GRK7: variants seen among roughly 807,000 people sequenced by gnomAD.
The protein encoded by GRK7 is rhodopsin kinase GRK7.
In GRK7, 24 loss-of-function variants were observed where a neutral mutation model predicts 34.1. The observed-to-expected ratio is 0.70, with a 90% CI of 0.51 to 0.99. The LOEUF is 0.99. GRK7 is among the 50% of genes least tolerant of loss of function. The probability of loss-of-function intolerance (pLI) is 0.00; values close to 1 mark genes in which losing one functional copy is unlikely to be tolerated. For missense variants in GRK7, 644 were observed against 707.3 expected, an observed-to-expected ratio of 0.91 and a Z score of 1.02; for synonymous variants, 256 against 279.4, an observed-to-expected ratio of 0.92 and a Z score of 0.84.
chr3:141,779,700 C>T (rs2084661830), intron 3 of GRK7, among the ~76,000 whole-genome samples: 1 of 152,224 alleles, frequency 6.6e-6, no homozygotes, highest in Non-Finnish European at 1.5e-5. Context: ...CTCTCCTCCT[C>T]CAGCCCTGAC....
the GRK7 span, among the ~76,000 whole-genome samples, chr3:141,757,129 C>CTTTTTTTTTTTTTTTTTTTTTTTTTTTT: frequency 9.9e-6 from 1 of 101,362 alleles, no homozygotes; most frequent in East Asian, 2.8e-4. Context: ...AGATCTTCTT[C>CTTTTTTTTTTTTTTTTTTTTTTTTTTTT]TTTTTTTTTT....
upstream of GRK7, among the ~76,000 whole-genome samples, chr3:141,762,772 G>T (rs192670974): frequency 6.6e-6 from 1 of 152,280 alleles, no homozygotes; most frequent in Non-Finnish European, 1.5e-5. Flanking sequence ...GCGAGATTCC[G>T]TGGGGAGATT....
chr3:141,760,290 G>A (rs1357657386), upstream of GRK7, among the ~76,000 whole-genome samples: 14 of 113,940 alleles, frequency 1.2e-4, no homozygotes, highest in African/African-American at 4.2e-4. Flanking sequence ...CTTTGAATGC[G>A]TCCCAGAGAT....
rs1327347482 is a variant in GRK7, at chr3:141,764,568, C to T, written c.-1385C>T. On this transcript the variant is annotated 5_prime_UTR_variant, in exon 1 of 6. Coordinates refer to ENST00000682958, the MANE Select transcript of GRK7 (RefSeq NM_139209.3). Reference sequence around the variant, plus strand: ...TCCTAATACCCCACTGCCCTCACCTCCTCAAACTCTAGGGCTCAGTCCTTA... The same window carrying T: ...TCCTAATACCCCACTGCCCTCACCTTCTCAAACTCTAGGGCTCAGTCCTTA... Among the ~76,000 whole-genome samples the T allele has an allele frequency of 6.6e-6, 1 of 152,150 alleles. No individual in the cohort carries two copies. Among genetic ancestry groups the T allele is most frequent in the East Asian group, 1.9e-4 (1 of 5,190 alleles).
rs759459613 is a variant in GRK7, at chr3:141,780,605, A to G, written c.844A>G (p.Asn282Asp). Residue 282 changes from asparagine (N) to aspartate (D), a missense_variant, in exon 4 of 6, where the codon AAC becomes GAC. Coordinates refer to ENST00000682958, the MANE Select transcript of GRK7 (RefSeq NM_139209.3). ...NGGDLKFHIY[N>D]VGTRGLDMSR... ...GGGAGACCTCAAGTTCCACATCTAC[A>G]ACGTGGGCACGCGTGGCCTGGACAT... The G allele has an allele frequency of 1.2e-6, 2 of 1,614,192 alleles. No individual in the cohort carries two copies. The highest frequency in any genetic ancestry group is 1.7e-5 in the Admixed American group (1 of 60,020).
intron 1 of GRK7, among the ~76,000 whole-genome samples, chr3:141,766,779 A>C (rs1191652247): frequency 1.3e-5 from 2 of 152,210 alleles, no homozygotes; most frequent in African/African-American, 4.8e-5. Context: ...GTCTTCTCTA[A>C]TAATCTATGT....
At chr3:141,756,038 C>T in the GRK7 span, among the ~76,000 whole-genome samples, 2 of 149,876 alleles carry the variant, frequency 1.3e-5, no homozygotes, top group South Asian at 2.1e-4. Context: ...ATGGCAAGCA[C>T]AGTGGCTCAC....
In GRK7 at chr3:141,764,048, C is replaced by T. The variant is rs554951677; in HGVS notation, c.-1905C>T. On this transcript the variant is annotated 5_prime_UTR_variant, in exon 1 of 6. Transcript: ENST00000682958. Reference sequence around the variant, plus strand: ...CCTAAAAACACCCAGCTTTGAGTCTCATGTGACTGGACTCCAGCAGTCACT... The same window carrying T: ...CCTAAAAACACCCAGCTTTGAGTCTTATGTGACTGGACTCCAGCAGTCACT... Among the ~76,000 whole-genome samples the T allele has an allele frequency of 2.0e-5, 3 of 152,326 alleles. No homozygotes were observed. Among genetic ancestry groups the T allele is most frequent in the African/African-American group, 7.2e-5 (3 of 41,574 alleles).
chr3:141,776,795 C>A (rs949630182), intron 2 of GRK7, among the ~76,000 whole-genome samples: 1 of 150,306 alleles, frequency 6.7e-6, no homozygotes, highest in African/African-American at 2.5e-5. Flanking sequence ...TTTCCCCCTC[C>A]TTCTCCCTCT....
intron 4 of GRK7, among the ~76,000 whole-genome samples, chr3:141,794,546 T>A (rs1490375811): frequency 6.6e-6 from 1 of 152,242 alleles, no homozygotes; most frequent in African/African-American, 2.4e-5. Context: ...TGGGCCATGT[T>A]AAGGACTTTG....
chr3:141,799,469 G>A (rs1020831362), intron 4 of GRK7, among the ~76,000 whole-genome samples: 1 of 151,900 alleles, frequency 6.6e-6, no homozygotes, highest in African/African-American at 2.4e-5. Context: ...AAAATTAGCC[G>A]GGCGTGGTGG....
At chr3:141,755,384 C>T in the GRK7 span, among the ~76,000 whole-genome samples, 1 of 152,174 alleles carries the variant, frequency 6.6e-6, no homozygotes, top group Non-Finnish European at 1.5e-5. Context: ...TGCTCTTACC[C>T]AGCAATTTTA....
the GRK7 span, among the ~76,000 whole-genome samples, chr3:141,757,129 C>CTTTTTTT: frequency 2.4e-4 from 24 of 101,352 alleles, no homozygotes; most frequent in Non-Finnish European, 3.6e-4. Flanking sequence ...AGATCTTCTT[C>CTTTTTTT]TTTTTTTTTT....
chr3:141,797,954 A>G (rs888638681), intron 4 of GRK7, among the ~76,000 whole-genome samples: 2 of 152,148 alleles, frequency 1.3e-5, no homozygotes, highest in African/African-American at 4.8e-5. Context: ...TCTCAGCTCC[A>G]CCAGAAGCCC....
intron 4 of GRK7, among the ~76,000 whole-genome samples, chr3:141,801,905 A>G (rs1323827515): frequency 6.6e-6 from 1 of 152,186 alleles, no homozygotes; most frequent in African/African-American, 2.4e-5. Context: ...CTTTTTTAAA[A>G]ATAGAAGAAT....
At chr3:141,813,397 G>T (rs1711116644) in intron 5 of GRK7, among the ~76,000 whole-genome samples, 1 of 152,338 alleles carries the variant, frequency 6.6e-6, no homozygotes, top group African/African-American at 2.4e-5. Flanking sequence ...AAAATGCTGG[G>T]ATTACAGGTG....
At chr3:141,762,954 C>T (rs2084563129), upstream of GRK7, among the ~76,000 whole-genome samples, 1 of 152,214 alleles carries the variant, frequency 6.6e-6, no homozygotes, top group African/African-American at 2.4e-5. Flanking sequence ...TTGCGCTTCC[C>T]AGGTGAGGCA....
At position 141,816,233 on chromosome 3, in the gene GRK7, A is replaced by G. The variant is rs539342459; in HGVS notation, c.1326-481A>G. 5.9e-5 allele frequency among the ~76,000 whole-genome samples: 9 copies of G among 152,294 alleles called. No individual in the cohort carries two copies. The East Asian group carries it at 9.6e-4, about 16-fold the overall frequency. On this transcript the variant is annotated intron_variant, in intron 5 of 5. Coordinates refer to ENST00000682958, the MANE Select transcript of GRK7 (RefSeq NM_139209.3). ...GAAATAACACCAAGATTATTGTGGC[A>G]GTTGGGGAGGTAAGTGGGGCTTGTA...
intron 1 of GRK7, among the ~76,000 whole-genome samples, chr3:141,774,315 G>A (rs149550910): frequency 1.6e-3 from 238 of 152,112 alleles, no homozygotes; most frequent in Admixed American, 3.3e-3. Context: ...CCAGCAAATC[G>A]GGAGGCTGAG....
Sources: gnomAD v4.1 joint callset for allele counts (sites outside exome capture counted in the v4.1 genomes callset) on GRCh38, gnomAD v4.1.1 for gene constraint, MANE v1.5 for transcripts, NCBI Gene and HGNC (gene_info 2026-07-23, HGNC 2026-07-21) for gene names.